The following KIRREL3 variants were observed in gnomAD, a reference collection of about 807,000 sequenced individuals.
KIRREL3 encodes the protein kirre like nephrin family adhesion molecule 3, also known as kin of IRRE-like protein 3.
Under a neutral mutation model 89.7 loss-of-function variants are expected in KIRREL3, and 36 were observed. That is an observed-to-expected ratio of 0.40 (90% confidence interval 0.31 to 0.53). The LOEUF is 0.53. Among genes scored for constraint, KIRREL3 ranks in the 20% least tolerant of loss-of-function variants. The probability of loss-of-function intolerance (pLI) is 0.49; values close to 1 mark genes in which losing one functional copy is unlikely to be tolerated. For synonymous variants in KIRREL3, 445 were observed against 441.4 expected, an observed-to-expected ratio of 1.01 and a Z score of -0.10; for missense variants, 864 against 1,056.6, an observed-to-expected ratio of 0.82 and a Z score of 2.53.
chr11:126,674,475 C>T (rs1565639639), intron 1 of KIRREL3, among the ~76,000 whole-genome samples: 1 of 152,170 alleles, frequency 6.6e-6, no homozygotes, highest in Non-Finnish European at 1.5e-5. Context: ...GTTGCTCAGT[C>T]CCCAGTCAGA....
At chr11:126,799,392 GTGTGTGCATCTATC>G (rs796251713) in intron 1 of KIRREL3, among the ~76,000 whole-genome samples, 6,299 of 87,042 alleles carry the variant, frequency 0.072, 248 homozygotes, top group African/African-American at 0.16. Context: ...GCGTGTATCT[GTGTGTGCATCTATC>G]TGTGTGTGCG....
At chr11:126,602,757 C>T (rs550250744) in intron 1 of KIRREL3, among the ~76,000 whole-genome samples, 17 of 152,308 alleles carry the variant, frequency 1.1e-4, no homozygotes, top group Admixed American at 1.0e-3. Context: ...CCTTGATAAA[C>T]CCCTCTGCCC....
chr11:126,913,174 T>A (rs1278808811), intron 1 of KIRREL3, among the ~76,000 whole-genome samples: 1 of 152,226 alleles, frequency 6.6e-6, no homozygotes, highest in Non-Finnish European at 1.5e-5. Flanking sequence ...ATGAGATAGT[T>A]AGGGTCAATA....
At chr11:126,937,057 C>T (rs1948219478) in intron 1 of KIRREL3, 1 of 152,140 alleles carries the variant, frequency 6.6e-6, no homozygotes, top group Admixed American at 6.6e-5. Flanking sequence ...TTCAGGAATA[C>T]CTCCTGCTGT....
chr11:126,552,566 T>TTTG (rs1370360669), intron 2 of KIRREL3, among the ~76,000 whole-genome samples: 2 of 137,390 alleles, frequency 1.5e-5, no homozygotes, highest in Non-Finnish European at 3.2e-5. Context: ...TTTTTTTTTT[T>TTTG]TTTTTTTTTT....
intron 1 of KIRREL3, among the ~76,000 whole-genome samples, chr11:126,923,396 T>TTCTTCTTC (rs10654309): frequency 1.9e-4 from 18 of 97,220 alleles, no homozygotes; most frequent in African/African-American, 5.6e-4. Flanking sequence ...CTTCCTCTTC[T>TTCTTCTTC]TTCTTCTTCT....
intron 1 of KIRREL3, among the ~76,000 whole-genome samples, chr11:126,823,637 G>A (rs951922786): frequency 1.2e-4 from 18 of 152,148 alleles, no homozygotes; most frequent in African/African-American, 4.3e-4. Context: ...CACCAGGCTG[G>A]GACCTTGGAT....
rs1949005875 is a variant in KIRREL3, at chr11:126,742,097, C to T, written c.56-179185G>A. 6.6e-6 allele frequency among the ~76,000 whole-genome samples: 1 copy of T among 152,198 alleles called. No homozygotes were observed. Among genetic ancestry groups the T allele is most frequent in the Admixed American group, 6.5e-5 (1 of 15,284 alleles). The stretch of plus-strand genomic sequence containing the variant: ...TTACACCAAGCTTTAAATTGAACTT[C>T]CCATTTCCCAGTTTCAGCTTCCAGA... On this transcript the variant is annotated intron_variant, in intron 1 of 16. Coordinates refer to ENST00000525144, the MANE Select transcript of KIRREL3 (RefSeq NM_032531.4). The surrounding 1 kb of genome is among the most constrained non-coding windows in gnomAD (Gnocchi z 5.3).
chr11:126,654,473 T>C (rs1163651736), intron 1 of KIRREL3, among the ~76,000 whole-genome samples: 3 of 152,162 alleles, frequency 2.0e-5, no homozygotes, highest in African/African-American at 7.2e-5. Flanking sequence ...AGGATTGGCC[T>C]TTCTGGGAAG....
rs1937803280 is a variant in KIRREL3, at chr11:126,535,717, GCTCACGCCTGTAAT to G, written c.134-9044_134-9031del. On this transcript the variant is annotated intron_variant, in intron 2 of 16. Transcript: ENST00000525144. This position sits in a 1 kb window ranked among gnomAD's most constrained non-coding sequence, Gnocchi z 4.5. ...TTTTGGTTGAGGGCTGGGCCCGGTG[GCTCACGCCTGTAAT>G]CCCAGCACTTTGGGAAGCTGAGGCG... 6.6e-6 allele frequency among the ~76,000 whole-genome samples: 1 copy of G among 152,244 alleles called. No individual in the cohort carries two copies. The highest frequency in any genetic ancestry group is 2.4e-5 in the African/African-American group (1 of 41,476).
rs1417852525 is a variant in KIRREL3 at position 126,471,499 on chromosome 11, G to A, written c.591+1810C>T. Among the ~76,000 whole-genome samples the A allele has an allele frequency of 6.6e-6, 1 of 152,184 alleles. No homozygotes were observed. The highest frequency in any genetic ancestry group is 2.4e-5 in the African/African-American group (1 of 41,438). On this transcript the variant is annotated intron_variant, in intron 5 of 16. Transcript: ENST00000525144. The surrounding 1 kb of genome is among the most constrained non-coding windows in gnomAD (Gnocchi z 5.4). ...AGGGTCAGTTGGGGCTGGGGTGGGAGGTGTGGGGAGAGTGTGGGCACAGCC... is the reference window on the plus strand; with the variant it reads ...AGGGTCAGTTGGGGCTGGGGTGGGAAGTGTGGGGAGAGTGTGGGCACAGCC...
Position 126,456,038 on chromosome 11 carries a change from C to T in KIRREL3, c.848+311G>A, listed in dbSNP as rs138584874. On this transcript the variant is annotated intron_variant, in intron 7 of 16. Transcript: ENST00000525144. ...GGTTGTTCTGGTTTTTTTTTGTTTT[C>T]GTTTTTTTTTTTTTTTTTTCCTGAG... 5.9e-4 allele frequency among the ~76,000 whole-genome samples: 32 copies of T among 53,808 alleles called. No individual in the cohort carries two copies. The East Asian group carries it at 7.1e-3, about 12-fold the overall frequency. The allele number at this position is 53,808 out of a possible 152,430, so 35.3% of individuals were successfully genotyped here.
rs1447485364 is a variant in KIRREL3, at chr11:126,985,201, G to C, written c.55+15254C>G. Among the ~76,000 whole-genome samples the C allele has an allele frequency of 6.6e-6, 1 of 152,138 alleles. No homozygotes were observed. Among genetic ancestry groups the C allele is most frequent in the Non-Finnish European group, 1.5e-5 (1 of 68,042 alleles). ...GTTCTCTGATGAAACACTTTCATGG[G>C]TTTGCAAGTGAAATGCTGGGCACGG... On this transcript the variant is annotated intron_variant, in intron 1 of 16. Transcript: ENST00000525144. The surrounding 1 kb of genome is among the most constrained non-coding windows in gnomAD (Gnocchi z 5.3).
At chr11:126,488,793 C>G (rs180942187) in intron 4 of KIRREL3, among the ~76,000 whole-genome samples, 102 of 152,310 alleles carry the variant, frequency 6.7e-4, no homozygotes, top group Admixed American at 1.7e-3. Flanking sequence ...GGGGATCCCC[C>G]CAAAATGACG....
In KIRREL3 at chr11:126,837,653, T is replaced by G. The variant is rs1475605878; in HGVS notation, c.55+162802A>C. Among the ~76,000 whole-genome samples the G allele has an allele frequency of 6.6e-6, 1 of 152,220 alleles. No homozygotes were observed. The highest frequency in any genetic ancestry group is 1.5e-5 in the Non-Finnish European group (1 of 68,040). On this transcript the variant is annotated intron_variant, in intron 1 of 16. Transcript: ENST00000525144. This position sits in a 1 kb window ranked among gnomAD's most constrained non-coding sequence, Gnocchi z 4.7. ...AATAATGACTCCATCTCCTCTGAAC[T>G]GAAGCATAGGTAGGCTAACTAAAAG...
chr11:126,902,825 T>C (rs1022316404), intron 1 of KIRREL3, among the ~76,000 whole-genome samples: 1 of 151,784 alleles, frequency 6.6e-6, no homozygotes, highest in African/African-American at 2.4e-5. Flanking sequence ...TCTGTTTTCC[T>C]CCTACTTGTG....
At chr11:126,584,590 C>T (rs1014552071) in intron 1 of KIRREL3, among the ~76,000 whole-genome samples, 1 of 152,198 alleles carries the variant, frequency 6.6e-6, no homozygotes, top group African/African-American at 2.4e-5. Context: ...TCTCAATGTC[C>T]CATGTGGGCT....
chr11:126,659,827 T>C (rs997727663), intron 1 of KIRREL3, among the ~76,000 whole-genome samples: 1 of 152,182 alleles, frequency 6.6e-6, no homozygotes, highest in African/African-American at 2.4e-5. Context: ...TAAATCAAGC[T>C]CGTGGGTGAT....
intron 9 of KIRREL3, 65 bp downstream of exon 9, chr11:126,446,694 T>C: frequency 6.6e-7 from 1 of 1,513,598 alleles, no homozygotes; most frequent in Non-Finnish European, 8.9e-7. Flanking sequence ...GGGCAGCAGT[T>C]CCTTCTTGCT....
Sources: allele counts gnomAD v4.1 joint callset (sites outside exome capture counted in the v4.1 genomes callset), GRCh38; gene constraint gnomAD v4.1.1; non-coding constraint Gnocchi (gnomAD v3.1); transcripts MANE v1.5; gene names NCBI Gene and HGNC (gene_info 2026-07-23, HGNC 2026-07-21).